PGS1: variants seen among roughly 807,000 people sequenced by gnomAD.
PGS1 encodes phosphatidylglycerophosphate synthase 1, also known as CDP-diacylglycerol--glycerol-3-phosphate 3-phosphatidyltransferase, mitochondrial.
In PGS1, 44 loss-of-function variants were observed where a neutral mutation model predicts 58.3. The ratio of observed to expected loss-of-function variants is 0.75; its 90% CI spans 0.59 to 0.97. PGS1 has a LOEUF of 0.97. Ranked by LOEUF, PGS1 falls within the 50% of genes least tolerant of loss-of-function variation. The pLI, the probability that PGS1 is intolerant of heterozygous loss-of-function variation, is 0.00. For synonymous variants in PGS1, 330 were observed against 311.0 expected, an observed-to-expected ratio of 1.06 and a Z score of -0.64; for missense variants, 684 against 731.1, an observed-to-expected ratio of 0.94 and a Z score of 0.74.
At chr17:78,387,982 C>A (rs1432310981) in intron 1 of PGS1, among the ~76,000 whole-genome samples, 1 of 152,210 alleles carries the variant, frequency 6.6e-6, no homozygotes, top group Non-Finnish European at 1.5e-5. Flanking sequence ...AAACACTCAG[C>A]TCCTTTTTTA....
chr17:78,399,290 T>A (rs540777686), intron 4 of PGS1, 58 bp from the exon 5 acceptor site: 1 of 1,401,306 alleles, frequency 7.1e-7, no homozygotes, highest in Non-Finnish European at 1.0e-6. Context: ...GGCTCCTCAT[T>A]GGGGGCAGGA....
Position 78,399,430 on chromosome 17 carries a change from G to T in PGS1, c.594G>T (p.Pro198=). 2 of 1,614,042 alleles carry T rather than the reference G, an allele frequency of 1.2e-6. No homozygotes were observed. Among genetic ancestry groups the T allele is most frequent in the Non-Finnish European group, 1.7e-6 (2 of 1,179,988 alleles). The part of the protein sequence containing the change: ...EQVRVSLFHT[P]HLRGLLRLLI... ...TCCGAGTCTCCCTCTTTCACACGCC[G>T]CACCTCCGTGGGCTGCTTCGGCTCC... Residue 198 remains proline (P), a synonymous_variant, in exon 5 of 10, where the codon CCG becomes CCT. Coordinates refer to ENST00000262764, the MANE Select transcript of PGS1 (RefSeq NM_024419.5).
chr17:78,413,187 C>A (rs990633025), intron 7 of PGS1, among the ~76,000 whole-genome samples: 22 of 152,194 alleles, frequency 1.4e-4, no homozygotes, highest in African/African-American at 5.3e-4. Context: ...GGAGACGAGC[C>A]CATTACAGGA....
At chr17:78,391,862 A>G (rs2082860610) in intron 1 of PGS1, among the ~76,000 whole-genome samples, 1 of 152,034 alleles carries the variant, frequency 6.6e-6, no homozygotes, top group Admixed American at 6.6e-5. Context: ...TGACTCAAGC[A>G]TTCGTCCTGC....
At chr17:78,404,257 G>A (rs1051573629) in intron 7 of PGS1, among the ~76,000 whole-genome samples, 168 bp downstream of exon 7, 3 of 150,986 alleles carry the variant, frequency 2.0e-5, no homozygotes, top group African/African-American at 7.3e-5. Flanking sequence ...GGGGAGAGGC[G>A]AGCATTCATC....
intron 3 of PGS1, 41 bp downstream of exon 3, chr17:78,396,426 T>C (rs772875577): frequency 1.4e-6 from 2 of 1,416,974 alleles, no homozygotes; most frequent in African/African-American, 1.4e-5. Flanking sequence ...CAATAGTGAA[T>C]GGGCCCCAAC....
rs35472026 is a variant in PGS1, at chr17:78,411,902, C to CTTTTT, written c.1403-2953_1403-2949dup. Among the ~76,000 whole-genome samples, 29 of 58,008 alleles carry CTTTTT rather than the reference C, an allele frequency of 5.0e-4. 5 individuals are homozygous for CTTTTT. The highest frequency in any genetic ancestry group is 1.1e-3 in the African/African-American group (15 of 13,154). 38.1% of individuals were successfully genotyped at this position (58,008 alleles called of 152,430 possible). On this transcript the variant is annotated intron_variant, in intron 7 of 9. Transcript: ENST00000262764. ...ATGAAACAGAACTAAAGGGCTCCTG[C>CTTTTT]TTTTTTTTTTTTTTTTTTTTTTTTT...
intron 3 of PGS1, among the ~76,000 whole-genome samples, chr17:78,397,470 C>G (rs1403196416): frequency 8.1e-6 from 1 of 123,312 alleles, no homozygotes; most frequent in South Asian, 2.7e-4. Flanking sequence ...GAGTTTTGCT[C>G]TTGTTGCCCA....
chr17:78,420,657 TCTG>T (rs1197926779), intron 9 of PGS1: 3 of 152,220 alleles, frequency 2.0e-5, no homozygotes, highest in Non-Finnish European at 2.9e-5. Flanking sequence ...ACCTTAGTGC[TCTG>T]CTAAGTCTCA....
intron 6 of PGS1, among the ~76,000 whole-genome samples, chr17:78,402,690 T>TG (rs1427007541): frequency 2.0e-5 from 3 of 152,166 alleles, no homozygotes; most frequent in Admixed American, 2.0e-4. Flanking sequence ...TCAGGTGATC[T>TG]GCCCGCTCCT....
chr17:78,401,850 G>A (rs2083691567), intron 6 of PGS1, among the ~76,000 whole-genome samples: 1 of 151,844 alleles, frequency 6.6e-6, no homozygotes, highest in Non-Finnish European at 1.5e-5. Context: ...GGCCCAGAAA[G>A]CCTAAAATAT....
chr17:78,388,479 A>G (rs2082567641), intron 1 of PGS1, among the ~76,000 whole-genome samples: 1 of 151,102 alleles, frequency 6.6e-6, no homozygotes, highest in Admixed American at 6.6e-5. Context: ...GACTACAGGC[A>G]CATGCCTCCA....
intron 1 of PGS1, among the ~76,000 whole-genome samples, chr17:78,387,553 C>G (rs976522435): frequency 3.3e-5 from 5 of 151,038 alleles, no homozygotes; most frequent in Admixed American, 6.6e-5. Context: ...CCCGCCTTGG[C>G]CTCCCAAAGT....
At chr17:78,387,051 C>T (rs907749328) in intron 1 of PGS1, among the ~76,000 whole-genome samples, 7 of 152,128 alleles carry the variant, frequency 4.6e-5, no homozygotes, top group East Asian at 1.9e-4. Context: ...CTCTCCATCA[C>T]GCAGCCTGGA....
intron 9 of PGS1, among the ~76,000 whole-genome samples, chr17:78,422,488 T>TGGG (rs1568018896): frequency 6.6e-6 from 1 of 152,128 alleles, no homozygotes; most frequent in Non-Finnish European, 1.5e-5. Flanking sequence ...ATATTCCTAA[T>TGGG]GGGTGTGTTT....
At chr17:78,409,757 G>A (rs1368064961) in intron 7 of PGS1, among the ~76,000 whole-genome samples, 1 of 152,206 alleles carries the variant, frequency 6.6e-6, no homozygotes, top group Non-Finnish European at 1.5e-5. Flanking sequence ...CTGTGGGAGT[G>A]CTTGAGGGAG....
chr17:78,418,992 T>C (rs2085452121), intron 8 of PGS1, among the ~76,000 whole-genome samples: 1 of 152,084 alleles, frequency 6.6e-6, no homozygotes, highest in African/African-American at 2.4e-5. Context: ...GTCCTTTACA[T>C]GTCTTGGTCT....
rs118145976 is a variant in PGS1, at chr17:78,417,243, C to A, written c.1551+2216C>A. Among the ~76,000 whole-genome samples, 22 of 152,274 alleles carry A rather than the reference C, an allele frequency of 1.4e-4. No homozygotes were observed. In the East Asian group the frequency reaches 4.2e-3, roughly 29 times the overall value. ...TCTGGTAATTTAGTTGCAATCTTGG[C>A]CGGGTATTCATTTGAAGACACAAAG... On this transcript the variant is annotated intron_variant, in intron 8 of 9. Coordinates refer to ENST00000262764, the MANE Select transcript of PGS1 (RefSeq NM_024419.5).
chr17:78,413,014 A>G (rs2084855696), intron 7 of PGS1, among the ~76,000 whole-genome samples: 1 of 152,344 alleles, frequency 6.6e-6, no homozygotes, highest in Non-Finnish European at 1.5e-5. Context: ...CAACCTGGGC[A>G]GCGTGAGCCA....
Sources: allele counts gnomAD v4.1 joint callset (sites outside exome capture counted in the v4.1 genomes callset), GRCh38; gene constraint gnomAD v4.1.1; transcripts MANE v1.5; gene names NCBI Gene and HGNC (gene_info 2026-07-23, HGNC 2026-07-21).